COG5: variants seen among roughly 807,000 people sequenced by gnomAD.
COG5 encodes component of oligomeric golgi complex 5.
COG5 carries 86 observed loss-of-function variants against 110.4 expected under a neutral mutation model. That is an observed-to-expected ratio of 0.78 (90% CI 0.65 to 0.93). The LOEUF (loss-of-function observed/expected upper bound fraction) is 0.93, where lower values mean the gene tolerates loss of function less well. Among genes scored for constraint, COG5 ranks in the 40% least tolerant of loss-of-function variants. COG5 has a pLI of 0.00. For synonymous variants in COG5, 360 were observed against 334.6 expected, an observed-to-expected ratio of 1.08 and a Z score of -0.83; for missense variants, 1,077 against 987.0, an observed-to-expected ratio of 1.09 and a Z score of -1.22.
intron 6 of COG5, among the ~76,000 whole-genome samples, chr7:107,451,674 T>C (rs931577929): frequency 1.3e-5 from 2 of 152,164 alleles, no homozygotes; most frequent in Non-Finnish European, 2.9e-5. Flanking sequence ...ATGAAGACGA[T>C]GTGAATGAAA....
intron 1 of COG5, among the ~76,000 whole-genome samples, chr7:107,561,702 C>T (rs1181568150): frequency 2.0e-5 from 3 of 152,156 alleles, no homozygotes; most frequent in African/African-American, 7.2e-5. Context: ...CTCGGCCGGG[C>T]GTGGTGGCTC....
intron 7 of COG5, among the ~76,000 whole-genome samples, chr7:107,391,844 C>T (rs937804221): frequency 1.3e-5 from 2 of 152,172 alleles, no homozygotes; most frequent in South Asian, 2.1e-4. Flanking sequence ...GTAATCGTAG[C>T]ACTTTGGGAG....
At chr7:107,487,686 GTA>G (rs1797729414) in intron 6 of COG5, among the ~76,000 whole-genome samples, 1 of 151,540 alleles carries the variant, frequency 6.6e-6, no homozygotes, top group Admixed American at 6.6e-5. Flanking sequence ...GTGCAAAGAT[GTA>G]TGTTTAAGGA....
intron 14 of COG5, among the ~76,000 whole-genome samples, chr7:107,263,423 G>A (rs957641855): frequency 1.3e-5 from 2 of 152,216 alleles, no homozygotes; most frequent in African/African-American, 4.8e-5. Context: ...AACTAGAAAA[G>A]TGGGAGCAAT....
rs765903125 is a variant in COG5 at position 107,548,151 on chromosome 7, T to A, written c.377A>T (p.Asn126Ile). 6.2e-7 allele frequency: 1 copy of A among 1,613,982 alleles called. No homozygotes were observed. The highest frequency in any genetic ancestry group is 8.5e-7 in the Non-Finnish European group (1 of 1,179,888). Residue 126 changes from asparagine to isoleucine, a missense_variant, in exon 5 of 22, where the codon AAT (asparagine) becomes ATT (isoleucine). By Grantham distance (149) the Asn-to-Ile change is moderately radical. Transcript: ENST00000297135. ...TTGTGCAGTCCGGGCAACTATCTTATTGTATGGTTCAACAATTTTTGCTTT... is the reference window on the plus strand; with the variant it reads ...TTGTGCAGTCCGGGCAACTATCTTAATGTATGGTTCAACAATTTTTGCTTT... Reference protein sequence around the residue: ...RIKAKIVEPYNKIVARTAQLA... With the variant: ...RIKAKIVEPYIKIVARTAQLA...
intron 6 of COG5, among the ~76,000 whole-genome samples, chr7:107,454,508 T>C (rs1795541875): frequency 2.0e-5 from 3 of 152,214 alleles, no homozygotes; most frequent in Non-Finnish European, 4.4e-5. Flanking sequence ...ATTTTTTATA[T>C]AAATGGACTC....
At chr7:107,395,522 T>C (rs895941710) in intron 7 of COG5, among the ~76,000 whole-genome samples, 2 of 149,452 alleles carry the variant, frequency 1.3e-5, no homozygotes, top group Non-Finnish European at 3.0e-5. Flanking sequence ...AATCAAATCG[T>C]CTTTACCATG....
chr7:107,402,889 A>G (rs1791542158), intron 7 of COG5, among the ~76,000 whole-genome samples: 1 of 152,272 alleles, frequency 6.6e-6, no homozygotes, highest in African/African-American at 2.4e-5. Flanking sequence ...TTTCCGATAC[A>G]GAAGTAATAA....
chr7:107,458,702 C>T (rs1027122761), intron 6 of COG5, among the ~76,000 whole-genome samples: 2 of 151,892 alleles, frequency 1.3e-5, no homozygotes, highest in African/African-American at 4.8e-5. Flanking sequence ...TACAAAAATA[C>T]ACAAAAATTA....
At chr7:107,304,966 T>C (rs1282848486) in intron 11 of COG5, among the ~76,000 whole-genome samples, 2 of 152,204 alleles carry the variant, frequency 1.3e-5, no homozygotes, top group African/African-American at 2.4e-5. Flanking sequence ...ATAGAGATTA[T>C]ACTCGAGTGA....
At chr7:107,236,239 A>G (rs932545067) in intron 18 of COG5, among the ~76,000 whole-genome samples, 2 of 152,170 alleles carry the variant, frequency 1.3e-5, no homozygotes, top group Non-Finnish European at 2.9e-5. Context: ...AAAGAGAGGG[A>G]TAATTATTTT....
At chr7:107,223,060 T>TAG (rs1437281022) in intron 19 of COG5, among the ~76,000 whole-genome samples, 1 of 152,192 alleles carries the variant, frequency 6.6e-6, no homozygotes, top group Non-Finnish European at 1.5e-5. Context: ...GAGACAGATA[T>TAG]AGGCATCATT....
chr7:107,361,718 C>A (rs373162403), intron 10 of COG5, among the ~76,000 whole-genome samples: 2 of 152,124 alleles, frequency 1.3e-5, no homozygotes, highest in Non-Finnish European at 2.9e-5. Flanking sequence ...TATGCCACCA[C>A]GCCCGGCTAA....
intron 6 of COG5, among the ~76,000 whole-genome samples, chr7:107,413,954 C>G (rs1792505212): frequency 1.3e-5 from 2 of 152,126 alleles, no homozygotes; most frequent in South Asian, 2.1e-4. Context: ...ACCGGTAAAA[C>G]AGAATTAAAA....
chr7:107,558,200 T>A, intron 1 of COG5, 85 bp from the exon 2 acceptor site: 1 of 1,400,976 alleles, frequency 7.1e-7, no homozygotes, highest in Non-Finnish European at 1.0e-6. Flanking sequence ...ATAATCATAA[T>A]TAACATATTT....
chr7:107,269,292 G>A (rs941566664), intron 14 of COG5, among the ~76,000 whole-genome samples: 1 of 152,026 alleles, frequency 6.6e-6, no homozygotes, highest in Non-Finnish European at 1.5e-5. Flanking sequence ...TGGCTAACTC[G>A]GTGATACCCC....
chr7:107,515,771 A>T (rs1420254388), intron 6 of COG5, among the ~76,000 whole-genome samples: 2 of 152,216 alleles, frequency 1.3e-5, no homozygotes, highest in East Asian at 3.8e-4. Flanking sequence ...CTGTTAGTCA[A>T]ATTAATGCCC....
At chr7:107,430,194 C>T (rs1438580834) in intron 6 of COG5, among the ~76,000 whole-genome samples, 3 of 152,124 alleles carry the variant, frequency 2.0e-5, no homozygotes, top group African/African-American at 7.2e-5. Flanking sequence ...ATAATTTACT[C>T]ATGTTTTCTT....
At chr7:107,466,595 G>A (rs1005560102) in intron 6 of COG5, among the ~76,000 whole-genome samples, 2 of 152,036 alleles carry the variant, frequency 1.3e-5, no homozygotes. Context: ...GATTCTCTAC[G>A]ACTTCTGCTA....
Sources: gnomAD v4.1 joint callset for allele counts (sites outside exome capture counted in the v4.1 genomes callset) on GRCh38, gnomAD v4.1.1 for gene constraint, MANE v1.5 for transcripts, NCBI Gene and HGNC (gene_info 2026-07-23, HGNC 2026-07-21) for gene names.